LYSMD2: variants seen among roughly 807,000 people sequenced by gnomAD.
The protein encoded by LYSMD2 is lysM and putative peptidoglycan-binding domain-containing protein 2.
In LYSMD2, 6 loss-of-function variants were observed where a neutral mutation model predicts 17.7. The observed-to-expected ratio is 0.34, with a 90% CI of 0.19 to 0.67. LYSMD2 has a LOEUF of 0.67. LYSMD2 is among the 30% of genes least tolerant of loss of function. LYSMD2 has a pLI of 0.69. For missense variants in LYSMD2, 237 were observed against 286.7 expected (o/e 0.83, Z 1.25); for synonymous variants, 102 against 129.8 (o/e 0.79, Z 1.45).
At chr15:51,740,999 A>G (rs2055639996), upstream of LYSMD2, among the ~76,000 whole-genome samples, 1 of 152,246 alleles carries the variant, frequency 6.6e-6, no homozygotes, top group Non-Finnish European at 1.5e-5. Context: ...AAAATTGCAA[A>G]CAAAATCTCT....
chr15:51,723,466 G>A lies in LYSMD2; in HGVS notation c.*141C>T. The A allele has an allele frequency of 1.4e-6, 1 of 698,006 alleles. No individual in the cohort carries two copies. The highest frequency in any genetic ancestry group is 2.6e-6 in the Non-Finnish European group (1 of 389,198). The allele number at this position is 698,006 out of a possible 1,614,324, so 43.2% of individuals were successfully genotyped here. ...GGGAACTAATCACTTCAGTGCAACTGCAGCAGGTAGAACTACCTAGTTATG... is the reference window on the plus strand; with the variant it reads ...GGGAACTAATCACTTCAGTGCAACTACAGCAGGTAGAACTACCTAGTTATG... On this transcript the variant is annotated 3_prime_UTR_variant, in exon 3 of 3. Transcript: ENST00000267838.
At chr15:51,740,462 A>G (rs73405389), upstream of LYSMD2, among the ~76,000 whole-genome samples, 1,527 of 152,356 alleles carry the variant, frequency 0.01, 17 homozygotes, top group African/African-American at 0.022. Context: ...AAGGAAGCCT[A>G]TTACTGCCTC....
chr15:51,725,663 C>T (rs1033127097), intron 1 of LYSMD2, among the ~76,000 whole-genome samples: 6 of 151,780 alleles, frequency 4.0e-5, no homozygotes, highest in Admixed American at 3.3e-4. Flanking sequence ...TAAATGAGAG[C>T]TTATATACCC....
chr15:51,730,404 T>G lies in LYSMD2; in HGVS notation c.274-5283A>C, dbSNP rs2055569242. The stretch of plus-strand genomic sequence containing the variant: ...GGTGGTGCACTCCCATAGTTCCAGC[T>G]ACTTGGGAGGATGAGGCAGGAGAAT... On this transcript the variant is annotated intron_variant, in intron 1 of 2. Transcript: ENST00000267838. Among the ~76,000 whole-genome samples, 4 of 152,176 alleles carry G rather than the reference T, an allele frequency of 2.6e-5. No homozygotes were observed. The South Asian group carries it at 8.3e-4, about 31-fold the overall frequency.
intron 1 of LYSMD2, among the ~76,000 whole-genome samples, chr15:51,734,213 G>A (rs1176009525): frequency 6.6e-6 from 1 of 152,060 alleles, no homozygotes; most frequent in African/African-American, 2.4e-5. Context: ...AAACAAAACA[G>A]AGACTCCTAG....
chr15:51,750,287 T>A (rs1386754113), intron 1 of LYSMD2, among the ~76,000 whole-genome samples: 2 of 152,250 alleles, frequency 1.3e-5, no homozygotes, highest in African/African-American at 4.8e-5. Flanking sequence ...AGGAAAGTAT[T>A]TTCATAAATG....
At chr15:51,742,274 A>G (rs2055646736), upstream of LYSMD2, among the ~76,000 whole-genome samples, 1 of 152,182 alleles carries the variant, frequency 6.6e-6, no homozygotes, top group African/African-American at 2.4e-5. Context: ...TCCTGACGTC[A>G]GGTGATCTAC....
intron 1 of LYSMD2, among the ~76,000 whole-genome samples, chr15:51,743,891 A>C (rs897486161): frequency 2.0e-5 from 3 of 152,114 alleles, no homozygotes; most frequent in African/African-American, 7.2e-5. Context: ...GTGCTAATGT[A>C]AGTGACATTG....
intron 1 of LYSMD2, among the ~76,000 whole-genome samples, chr15:51,734,797 C>T (rs1204616736): frequency 6.6e-6 from 1 of 152,196 alleles, no homozygotes; most frequent in Non-Finnish European, 1.5e-5. Flanking sequence ...TGCTCAACTT[C>T]TTTCTGTTCA....
chr15:51,744,149 T>C (rs1194309277), intron 1 of LYSMD2, among the ~76,000 whole-genome samples: 1 of 152,150 alleles, frequency 6.6e-6, no homozygotes, highest in Non-Finnish European at 1.5e-5. Flanking sequence ...TATTGTCTTA[T>C]TGCATCTGCT....
upstream of LYSMD2, among the ~76,000 whole-genome samples, chr15:51,740,828 T>C (rs1567230477): frequency 6.6e-6 from 1 of 151,062 alleles, no homozygotes; most frequent in African/African-American, 2.4e-5. Flanking sequence ...AGATAAAAAA[T>C]AAAAGAAAGA....
chr15:51,741,777 T>C (rs1595854175), upstream of LYSMD2, among the ~76,000 whole-genome samples: 1 of 151,756 alleles, frequency 6.6e-6, no homozygotes. Context: ...AAAATTAGCC[T>C]GGTGTGGTGG....
chr15:51,751,109 C>A (rs1191009596), intron 1 of LYSMD2, among the ~76,000 whole-genome samples: 5 of 152,226 alleles, frequency 3.3e-5, no homozygotes, highest in Non-Finnish European at 7.3e-5. Flanking sequence ...TCAGTGAAGC[C>A]GCCACTGCGC....
At chr15:51,730,513 C>A (rs183591240) in intron 1 of LYSMD2, among the ~76,000 whole-genome samples, 1 of 152,210 alleles carries the variant, frequency 6.6e-6, no homozygotes, top group African/African-American at 2.4e-5. Flanking sequence ...AAGACCCTGT[C>A]TCAAAAAAAA....
intron 1 of LYSMD2, among the ~76,000 whole-genome samples, chr15:51,729,057 A>G (rs2055559340): frequency 6.6e-6 from 1 of 152,274 alleles, no homozygotes; most frequent in Non-Finnish European, 1.5e-5. Context: ...CTTAGGCCAA[A>G]TGCATAGGCT....
At chr15:51,741,547 A>T (rs560324627), upstream of LYSMD2, among the ~76,000 whole-genome samples, 1 of 152,322 alleles carries the variant, frequency 6.6e-6, no homozygotes, top group South Asian at 2.1e-4. Flanking sequence ...TTACATTACT[A>T]ATTTCTTGAA....
At chr15:51,728,396 A>AACACACACACACAC (rs61106396) in intron 1 of LYSMD2, among the ~76,000 whole-genome samples, 1 of 144,832 alleles carries the variant, frequency 6.9e-6, no homozygotes, top group Non-Finnish European at 1.5e-5. Context: ...TCCAGGAGAA[A>AACACACACACACAC]ACACACACAC....
At chr15:51,737,655 T>TGCC (rs1048343791), upstream of LYSMD2, 6 of 1,201,738 alleles carry the variant, frequency 5.0e-6, no homozygotes, top group African/African-American at 7.9e-5. The surrounding 1 kb of genome is among the most constrained non-coding windows in gnomAD (Gnocchi z 4.2). Context: ...TCGGGGAGCT[T>TGCC]GCCAAGGGGG....
chr15:51,748,088 T>C (rs1460739230), intron 1 of LYSMD2, among the ~76,000 whole-genome samples: 1 of 151,950 alleles, frequency 6.6e-6, no homozygotes, highest in Non-Finnish European at 1.5e-5. Context: ...CTGGTCAACA[T>C]GGTGAAACCC....
Sources: allele counts gnomAD v4.1 joint callset (sites outside exome capture counted in the v4.1 genomes callset), GRCh38; gene constraint gnomAD v4.1.1; non-coding constraint Gnocchi (gnomAD v3.1); transcripts MANE v1.5; gene names NCBI Gene and HGNC (gene_info 2026-07-23, HGNC 2026-07-21).